The following RHOBTB3 variants were observed in gnomAD, a reference collection of about 807,000 sequenced individuals.
The protein encoded by RHOBTB3 is Rho related BTB domain containing 3.
A neutral mutation model predicts 67.2 loss-of-function variants in RHOBTB3; 47 were observed. The observed-to-expected ratio is 0.70, with a 90% CI of 0.55 to 0.89. The LOEUF (loss-of-function observed/expected upper bound fraction) is 0.89. RHOBTB3 is among the 40% of genes least tolerant of loss of function. RHOBTB3 has a pLI of 0.00. For missense variants in RHOBTB3, 631 were observed against 750.0 expected (o/e 0.84, Z 1.85); for synonymous variants, 273 against 274.2 (o/e 1.00, Z 0.04).
intron 2 of RHOBTB3, among the ~76,000 whole-genome samples, chr5:95,735,259 CT>C (rs10718378): frequency 0.39 from 51,969 of 133,504 alleles, 8,879 homozygotes; most frequent in East Asian, 0.68. Context: ...CATATTTTGC[CT>C]TTTTTTTTTT....
At chr5:95,732,475 CA>C (rs1755318064) in intron 2 of RHOBTB3, 1 of 366,576 alleles carries the variant, frequency 2.7e-6, no homozygotes. Flanking sequence ...TCTAAAAATA[CA>C]TCCCTCTCAA....
At chr5:95,784,976 C>T (rs1479378852) in intron 10 of RHOBTB3, among the ~76,000 whole-genome samples, 4 of 152,158 alleles carry the variant, frequency 2.6e-5, no homozygotes, top group African/African-American at 7.2e-5. Context: ...AGTGTCAGTA[C>T]TTCTTGAACT....
chr5:95,738,894 C>G lies in RHOBTB3; in HGVS notation c.415+1819C>G, dbSNP rs115184530. On this transcript the variant is annotated intron_variant, in intron 3 of 11. Coordinates refer to ENST00000379982, the MANE Select transcript of RHOBTB3 (RefSeq NM_014899.4). ...AAATTATTGAAACATACCTCTCCCTCCATTTAATAAAGCTACTGGTTCTTT... is the reference window on the plus strand; with the variant it reads ...AAATTATTGAAACATACCTCTCCCTGCATTTAATAAAGCTACTGGTTCTTT... Among the ~76,000 whole-genome samples the G allele has an allele frequency of 3.3e-3, 505 of 152,234 alleles. 3 individuals are homozygous for G. The highest frequency in any genetic ancestry group is 0.011 in the African/African-American group (455 of 41,528).
rs558214452 is a variant in RHOBTB3, at chr5:95,764,870, A to G, written c.1161+1250A>G. On this transcript the variant is annotated intron_variant, in intron 7 of 11. Transcript: ENST00000379982. ...AAGTAACGTGGAATTAAGGGGTAAG[A>G]TTTTTTTTTTTTTAGTAACACATTG... Among the ~76,000 whole-genome samples, 440 of 146,578 alleles carry G rather than the reference A, an allele frequency of 3.0e-3. 4 individuals carry two copies. Among genetic ancestry groups the G allele is most frequent in the African/African-American group, 0.01 (420 of 40,210 alleles).
At chr5:95,737,152 G>T in intron 3 of RHOBTB3, 77 bp downstream of exon 3, 2 of 982,210 alleles carry the variant, frequency 2.0e-6, no homozygotes. Flanking sequence ...GTTTATTAAT[G>T]GATAATAGGG....
intron 3 of RHOBTB3, among the ~76,000 whole-genome samples, chr5:95,745,757 C>G (rs928098833): frequency 6.6e-6 from 1 of 152,004 alleles, no homozygotes; most frequent in Non-Finnish European, 1.5e-5. Flanking sequence ...GTGACCATGC[C>G]GCACCACAAT....
intron 8 of RHOBTB3, among the ~76,000 whole-genome samples, chr5:95,768,392 C>T (rs1745611111): frequency 1.3e-5 from 2 of 151,974 alleles, no homozygotes; most frequent in Admixed American, 1.3e-4. Context: ...TTTCCTTTGC[C>T]ATATGCTTCA....
chr5:95,746,008 T>A (rs1744903770), intron 3 of RHOBTB3, among the ~76,000 whole-genome samples: 1 of 152,058 alleles, frequency 6.6e-6, no homozygotes, highest in African/African-American at 2.4e-5. Context: ...AGAATCCAGA[T>A]AAAGGGTAGG....
intron 6 of RHOBTB3, among the ~76,000 whole-genome samples, chr5:95,760,453 A>G (rs2112805802): frequency 6.6e-6 from 1 of 152,342 alleles, no homozygotes; most frequent in South Asian, 2.1e-4. Flanking sequence ...CCTGCCACAG[A>G]TGGCCCTTAG....
intron 8 of RHOBTB3, among the ~76,000 whole-genome samples, chr5:95,770,981 CGTACCCAT>C (rs1745693797): frequency 6.6e-6 from 1 of 151,834 alleles, no homozygotes; most frequent in African/African-American, 2.4e-5. Flanking sequence ...GAAAGAGCCA[CGTACCCAT>C]GTACTGCTTT....
upstream of RHOBTB3, chr5:95,731,247 G>T: frequency 3.0e-6 from 3 of 1,004,396 alleles, no homozygotes; most frequent in Non-Finnish European, 3.6e-6. Context: ...GGGCTGGCAC[G>T]TGCTGCGCCC....
At chr5:95,732,403 T>A (rs1006220208) in intron 2 of RHOBTB3, 2 of 555,332 alleles carry the variant, frequency 3.6e-6, no homozygotes, top group Non-Finnish European at 6.4e-6. Context: ...TCACTAAGTT[T>A]CATCAGCAAA....
At chr5:95,732,149 C>A in intron 2 of RHOBTB3, 65 bp downstream of exon 2, 1 of 1,410,274 alleles carries the variant, frequency 7.1e-7, no homozygotes. Flanking sequence ...TTTTCCCCCT[C>A]CCCCTTCTGC....
At chr5:95,735,434 C>T (rs896031540) in intron 2 of RHOBTB3, among the ~76,000 whole-genome samples, 2 of 152,048 alleles carry the variant, frequency 1.3e-5, no homozygotes, top group African/African-American at 2.4e-5. Context: ...TGAGAAGAAG[C>T]TCTCTCTTCA....
chr5:95,769,211 C>A (rs750760743), intron 8 of RHOBTB3: 37 of 330,888 alleles, frequency 1.1e-4, no homozygotes, highest in Middle Eastern at 2.3e-3. Flanking sequence ...CCCAGAGTAA[C>A]AAAAGATGGT....
intron 2 of RHOBTB3, among the ~76,000 whole-genome samples, chr5:95,735,995 G>A (rs1325171072): frequency 2.0e-5 from 3 of 152,084 alleles, no homozygotes; most frequent in African/African-American, 4.8e-5. Flanking sequence ...CCAGCTACTC[G>A]GGAGGCTGAG....
chr5:95,721,205 T>C (rs1042124105), intron 1 of RHOBTB3, among the ~76,000 whole-genome samples: 1 of 152,214 alleles, frequency 6.6e-6, no homozygotes, highest in Admixed American at 6.5e-5. Context: ...AGTGGAGGCT[T>C]TTTTCAGGTA....
At chr5:95,769,123 G>A (rs757751876) in intron 8 of RHOBTB3, 12 of 366,814 alleles carry the variant, frequency 3.3e-5, no homozygotes, top group African/African-American at 1.3e-4. Flanking sequence ...TCAAGGTGTC[G>A]ACCTTTTAGC....
chr5:95,753,107 G>T (rs1745138046), intron 5 of RHOBTB3, among the ~76,000 whole-genome samples: 1 of 151,980 alleles, frequency 6.6e-6, no homozygotes, highest in Non-Finnish European at 1.5e-5. Context: ...ACTGCACTCT[G>T]GCCTGGGCGA....
Sources: allele counts gnomAD v4.1 joint callset (sites outside exome capture counted in the v4.1 genomes callset), GRCh38; gene constraint gnomAD v4.1.1; transcripts MANE v1.5; gene names NCBI Gene and HGNC (gene_info 2026-07-23, HGNC 2026-07-21).